Variants in RANBP2 observed in about 807,000 individuals in gnomAD.
RANBP2 encodes the protein E3 SUMO-protein ligase RanBP2.
In RANBP2, 57 loss-of-function variants were observed where a neutral mutation model predicts 303.6. The ratio of observed to expected loss-of-function variants is 0.19; its 90% CI spans 0.15 to 0.23. The LOEUF (loss-of-function observed/expected upper bound fraction) is 0.23, where lower values mean the gene tolerates loss of function less well. RANBP2 is among the 10% of genes least tolerant of loss of function. RANBP2 has a pLI of 1.00. For synonymous variants in RANBP2, 1,167 were observed against 1,301.5 expected (o/e 0.90, Z 2.23); for missense variants, 3,138 against 3,780.8 (o/e 0.83, Z 4.46).
At chr2:109,326,740 G>A in the RANBP2 span, among the ~76,000 whole-genome samples, 1 of 152,202 alleles carries the variant, frequency 6.6e-6, no homozygotes, top group Non-Finnish European at 1.5e-5. Flanking sequence ...GGTGTTTACT[G>A]CCACTGTTCT....
chr2:109,220,013 C>G, the RANBP2 span, among the ~76,000 whole-genome samples: 1 of 152,190 alleles, frequency 6.6e-6, no homozygotes, highest in Non-Finnish European at 1.5e-5. Flanking sequence ...CTCACACTTC[C>G]TGATTTCAAA....
the RANBP2 span, chr2:109,127,463 T>TA: frequency 3.3e-5 from 5 of 152,382 alleles, no homozygotes; most frequent in South Asian, 8.3e-4. Flanking sequence ...CTTTATGTGT[T>TA]AGTTCTGTGG....
chr2:109,188,944 C>A, the RANBP2 span, among the ~76,000 whole-genome samples: 3 of 151,874 alleles, frequency 2.0e-5, no homozygotes, highest in East Asian at 5.8e-4. Flanking sequence ...AAAAAAAAAA[C>A]CTGAAAATGT....
At chr2:109,055,142 T>C in the RANBP2 span, among the ~76,000 whole-genome samples, 7 of 152,226 alleles carry the variant, frequency 4.6e-5, no homozygotes, top group Admixed American at 1.3e-4. Flanking sequence ...ATTTTCACGA[T>C]GACTAATGAT....
the RANBP2 span, among the ~76,000 whole-genome samples, chr2:108,997,440 CAAAAAA>C: frequency 2.0e-5 from 1 of 49,954 alleles, no homozygotes; most frequent in African/African-American, 9.6e-5. Context: ...GACTCTGTCT[CAAAAAA>C]AAAAAAAAAA....
the RANBP2 span, among the ~76,000 whole-genome samples, chr2:109,559,613 G>A: frequency 6.6e-6 from 1 of 152,150 alleles, no homozygotes; most frequent in Non-Finnish European, 1.5e-5. Flanking sequence ...CTTGGTACCA[G>A]TATCCATTAT....
At chr2:108,949,286 T>C in the RANBP2 span, among the ~76,000 whole-genome samples, 21 of 152,194 alleles carry the variant, frequency 1.4e-4, no homozygotes, top group Admixed American at 5.2e-4. Context: ...CTGGCTAACA[T>C]AGGCTATTTT....
At chr2:108,727,372 C>T (rs1361579163) in intron 1 of RANBP2, among the ~76,000 whole-genome samples, 1 of 152,194 alleles carries the variant, frequency 6.6e-6, no homozygotes, top group African/African-American at 2.4e-5. Flanking sequence ...ACACCCCAAA[C>T]TGCAAAAGTT....
At chr2:109,296,037 G>A in the RANBP2 span, among the ~76,000 whole-genome samples, 1 of 152,094 alleles carries the variant, frequency 6.6e-6, no homozygotes, top group Non-Finnish European at 1.5e-5. Context: ...TGAAGGTGCT[G>A]TAATGAAGTT....
chr2:109,291,060 A>G, the RANBP2 span, among the ~76,000 whole-genome samples: 1 of 152,172 alleles, frequency 6.6e-6, no homozygotes, highest in Non-Finnish European at 1.5e-5. Flanking sequence ...TGCTTAACAC[A>G]ACAAATAATC....
At chr2:109,382,290 G>C in the RANBP2 span, among the ~76,000 whole-genome samples, 3 of 152,130 alleles carry the variant, frequency 2.0e-5, no homozygotes, top group South Asian at 6.2e-4. Flanking sequence ...CATCTGTTTT[G>C]GTCTCAGATA....
chr2:108,753,792 C>T (rs201966768), intron 14 of RANBP2, 33 bp from the exon 15 acceptor site: 4 of 1,598,508 alleles, frequency 2.5e-6, no homozygotes, highest in African/African-American at 1.3e-5. Context: ...GTTTTAAAAA[C>T]CTAATGATTT....
chr2:109,642,210 A>C, the RANBP2 span, among the ~76,000 whole-genome samples: 20 of 152,292 alleles, frequency 1.3e-4, no homozygotes, highest in African/African-American at 4.8e-4. Context: ...AGTGTGAGCC[A>C]CTGCACCTGG....
chr2:108,798,516 A>G, the RANBP2 span: 3 of 1,613,802 alleles, frequency 1.9e-6, no homozygotes, highest in Admixed American at 1.7e-5. Context: ...CTTTTCAGAC[A>G]TGAAAATGCC....
chr2:108,773,195 G>A, intron 23 of RANBP2, 149 bp downstream of exon 23: 1 of 806,674 alleles, frequency 1.2e-6, no homozygotes, highest in Non-Finnish European at 2.0e-6. Context: ...GTGGCTCAAT[G>A]CAGCCTTCAT....
the RANBP2 span, among the ~76,000 whole-genome samples, chr2:109,612,954 A>G: frequency 6.6e-6 from 1 of 152,242 alleles, no homozygotes; most frequent in South Asian, 2.1e-4. Flanking sequence ...GTTGCTTAGT[A>G]GAGTGGTTCT....
At chr2:109,432,493 G>C in the RANBP2 span, 8 of 1,612,760 alleles carry the variant, frequency 5.0e-6, no homozygotes, top group Non-Finnish European at 6.8e-6. Context: ...CCCATGCTTT[G>C]CCCGCAGGTA....
At chr2:109,284,698 G>A in the RANBP2 span, among the ~76,000 whole-genome samples, 17 of 152,298 alleles carry the variant, frequency 1.1e-4, no homozygotes, top group African/African-American at 4.1e-4. Flanking sequence ...ACCCTTCCCA[G>A]TCTAGGCCAG....
the RANBP2 span, among the ~76,000 whole-genome samples, chr2:109,499,947 G>A: frequency 1.3e-5 from 2 of 152,174 alleles, no homozygotes; most frequent in Non-Finnish European, 2.9e-5. Context: ...GAATGAGGGA[G>A]CAGGGAGGCA....
Sources: allele counts gnomAD v4.1 joint callset (sites outside exome capture counted in the v4.1 genomes callset), GRCh38; gene constraint gnomAD v4.1.1; transcripts MANE v1.5; gene names NCBI Gene and HGNC (gene_info 2026-07-23, HGNC 2026-07-21).